The following TEX264 variants were observed in gnomAD, a reference collection of about 807,000 sequenced individuals.
TEX264 encodes testis-expressed protein 264.
TEX264 carries 13 observed loss-of-function variants against 23.4 expected under a neutral mutation model. That is an observed-to-expected ratio of 0.56 (90% CI 0.36 to 0.88). The LOEUF (loss-of-function observed/expected upper bound fraction) is 0.88. Among genes scored for constraint, TEX264 ranks in the 40% least tolerant of loss-of-function variants. TEX264 has a pLI of 0.01. For synonymous variants in TEX264, 159 were observed against 170.0 expected, an observed-to-expected ratio of 0.94 and a Z score of 0.50; for missense variants, 340 against 406.8, an observed-to-expected ratio of 0.84 and a Z score of 1.41.
intron 4 of TEX264, among the ~76,000 whole-genome samples, 196 bp downstream of exon 4, chr3:51,699,770 A>G (rs1410785556): frequency 1.3e-5 from 2 of 152,120 alleles, no homozygotes; most frequent in South Asian, 2.1e-4. Flanking sequence ...ACATGGATCT[A>G]CATAGATGTG....
intron 2 of TEX264, chr3:51,682,799 G>A (rs920232805): frequency 3.3e-5 from 5 of 152,294 alleles, no homozygotes; most frequent in Non-Finnish European, 7.3e-5. Flanking sequence ...AGGTTTGGAT[G>A]CCGTAGGCTT....
Position 51,691,369 on chromosome 3 carries a change from G to A in TEX264, c.480+6735G>A, listed in dbSNP as rs1702821465. Among the ~76,000 whole-genome samples, 1 of 152,220 alleles carries A rather than the reference G, an allele frequency of 6.6e-6. No homozygotes were observed. The highest frequency in any genetic ancestry group is 1.5e-5 in the Non-Finnish European group (1 of 68,032). On this transcript the variant is annotated intron_variant, in intron 3 of 4. Coordinates refer to ENST00000341333, the MANE Select transcript of TEX264 (RefSeq NM_015926.6). This position sits in a 1 kb window ranked among gnomAD's most constrained non-coding sequence, Gnocchi z 4.4. ...GGCCTGCTCTGGCACAGGGAGGAGG[G>A]CACTTTTGGCAGCATCAGGACCTGG...
chr3:51,702,696 C>T (rs1394422581), intron 4 of TEX264, among the ~76,000 whole-genome samples: 1 of 152,224 alleles, frequency 6.6e-6, no homozygotes, highest in Admixed American at 6.5e-5. Flanking sequence ...GTAGCAGATC[C>T]ACTTTCTCCC....
rs953911158 is a variant in TEX264 at position 51,686,576 on chromosome 3, A to G, written c.480+1942A>G. On this transcript the variant is annotated intron_variant, in intron 3 of 4. Coordinates refer to ENST00000341333, the MANE Select transcript of TEX264 (RefSeq NM_015926.6). The surrounding 1 kb of genome is among the most constrained non-coding windows in gnomAD (Gnocchi z 4.1). ...TGTCACGGTGATAAGGCAAGGGCACAGGGAGAATAGAGGGGAGTTTCCTTT... is the reference window on the plus strand; with the variant it reads ...TGTCACGGTGATAAGGCAAGGGCACGGGGAGAATAGAGGGGAGTTTCCTTT... Among the ~76,000 whole-genome samples, 1 of 151,392 alleles carries G rather than the reference A, an allele frequency of 6.6e-6. No individual in the cohort carries two copies. The highest frequency in any genetic ancestry group is 6.6e-5 in the Admixed American group (1 of 15,206).
intron 2 of TEX264, chr3:51,682,416 G>T (rs1702461871): frequency 6.6e-6 from 1 of 152,302 alleles, no homozygotes; most frequent in Non-Finnish European, 1.5e-5. Context: ...TGGGGGAGAA[G>T]AGAGTGCCAC....
At chr3:51,677,740 G>T (rs1280693199) in intron 2 of TEX264, among the ~76,000 whole-genome samples, 1 of 152,232 alleles carries the variant, frequency 6.6e-6, no homozygotes, top group Non-Finnish European at 1.5e-5. Flanking sequence ...TTGGACAGTG[G>T]CAGTTGGTGT....
At chr3:51,692,857 G>A (rs1702877776) in intron 3 of TEX264, among the ~76,000 whole-genome samples, 1 of 152,226 alleles carries the variant, frequency 6.6e-6, no homozygotes, top group African/African-American at 2.4e-5. Context: ...AGCTCTCCTT[G>A]GGGTACTCAC....
chr3:51,704,025 C>G lies in TEX264; in HGVS notation c.*9C>G. On this transcript the variant is annotated 3_prime_UTR_variant, in exon 5 of 5. Coordinates refer to ENST00000341333, the MANE Select transcript of TEX264 (RefSeq NM_015926.6). ...AGAAGGGCAAGGAGTAACCCATGGC[C>G]TGCACCCTCCTGCAGTGCAGTTGCT... 6.7e-7 allele frequency: 1 copy of G among 1,488,136 alleles called. No individual in the cohort carries two copies. Among genetic ancestry groups the G allele is most frequent in the Non-Finnish European group, 8.9e-7 (1 of 1,120,730 alleles). The allele number at this position is 1,488,136 out of a possible 1,614,324, so 92.2% of individuals were successfully genotyped here.
chr3:51,691,658 T>G lies in TEX264; in HGVS notation c.480+7024T>G, dbSNP rs947718164. On this transcript the variant is annotated intron_variant, in intron 3 of 4. Coordinates refer to ENST00000341333, the MANE Select transcript of TEX264 (RefSeq NM_015926.6). This position sits in a 1 kb window ranked among gnomAD's most constrained non-coding sequence, Gnocchi z 4.4. ...GGAGTACAGGAGAGGAGCAAGAGTT[T>G]GGGCCTAAGAGATATAGGCTGGGTC... Among the ~76,000 whole-genome samples, 1 of 152,078 alleles carries G rather than the reference T, an allele frequency of 6.6e-6. No homozygotes were observed. The highest frequency in any genetic ancestry group is 2.1e-4 in the South Asian group (1 of 4,818).
At chr3:51,680,647 G>C (rs911701096) in intron 2 of TEX264, among the ~76,000 whole-genome samples, 1 of 152,234 alleles carries the variant, frequency 6.6e-6, no homozygotes, top group Non-Finnish European at 1.5e-5. Flanking sequence ...CCCAGATGTG[G>C]TTCCTTGTAG....
At chr3:51,702,176 G>A (rs919414346) in intron 4 of TEX264, among the ~76,000 whole-genome samples, 2 of 152,156 alleles carry the variant, frequency 1.3e-5, no homozygotes, top group African/African-American at 4.8e-5. Flanking sequence ...GGGAGAAACT[G>A]TCTCCCTCCT....
At position 51,703,348 on chromosome 3, in the gene TEX264, CT is replaced by C. The variant is rs1180596293; in HGVS notation, c.650-374del. 3.3e-5 allele frequency among the ~76,000 whole-genome samples: 5 copies of C among 152,196 alleles called. No individual in the cohort carries two copies. The highest frequency in any genetic ancestry group is 7.3e-5 in the Non-Finnish European group (5 of 68,028). On this transcript the variant is annotated intron_variant, in intron 4 of 4. Transcript: ENST00000341333. The surrounding 1 kb of genome is among the most constrained non-coding windows in gnomAD (Gnocchi z 4.8). The stretch of plus-strand genomic sequence containing the variant: ...GTGGGGGAAGGTGGAGAGGACACTA[CT>C]TGTGTCTCTTTGTTCTACCTCAGCT...
intron 2 of TEX264, among the ~76,000 whole-genome samples, chr3:51,676,330 G>A (rs1162329079): frequency 6.6e-6 from 1 of 152,248 alleles, no homozygotes; most frequent in Admixed American, 6.5e-5. Context: ...ATGGGAAAGG[G>A]CTAAGGCAGC....
intron 3 of TEX264, among the ~76,000 whole-genome samples, chr3:51,698,448 T>G (rs1703154832): frequency 6.6e-6 from 1 of 152,138 alleles, no homozygotes; most frequent in Non-Finnish European, 1.5e-5. Flanking sequence ...GTATTTGTGC[T>G]CCTTCGCAGG....
At position 51,671,707 on chromosome 3, in the gene TEX264, A is replaced by C. The variant is rs1032516424; in HGVS notation, c.-35+419A>C. 3 of 153,878 alleles carry C rather than the reference A, an allele frequency of 1.9e-5. No homozygotes were observed. The Middle Eastern group carries it at 2.6e-3, about 132-fold the overall frequency. The allele number at this position is 153,878 out of a possible 1,614,324, so 9.5% of individuals were successfully genotyped here. ...GAGAAAGGCTCTGAGTAAATAGGCAAGGCCCGGGGTGAGCAGGGGCTGGAA... is the reference window on the plus strand; with the variant it reads ...GAGAAAGGCTCTGAGTAAATAGGCACGGCCCGGGGTGAGCAGGGGCTGGAA... On this transcript the variant is annotated intron_variant, in intron 1 of 4. Coordinates refer to ENST00000341333, the MANE Select transcript of TEX264 (RefSeq NM_015926.6).
Position 51,703,679 on chromosome 3 carries a change from G to T in TEX264, c.650-45G>T. 6.5e-7 allele frequency: 1 copy of T among 1,533,202 alleles called. No individual in the cohort carries two copies. Among genetic ancestry groups the T allele is most frequent in the South Asian group, 1.3e-5 (1 of 79,988 alleles). 95.0% of individuals were successfully genotyped at this position (1,533,202 alleles called of 1,614,324 possible). ...GAGTTGCCTCTCCCTGGAGGAGGGG[G>T]TGGGGTGGTCCTAGCTAACCTGTGC... is the stretch of plus-strand genomic sequence containing the variant. On this transcript the variant is annotated intron_variant, in intron 4 of 4. Transcript: ENST00000341333. The surrounding 1 kb of genome is among the most constrained non-coding windows in gnomAD (Gnocchi z 4.8).
chr3:51,673,289 C>T (rs1702115313), intron 1 of TEX264, among the ~76,000 whole-genome samples: 1 of 151,804 alleles, frequency 6.6e-6, no homozygotes, highest in Non-Finnish European at 1.5e-5. Flanking sequence ...TGTGATTTTT[C>T]CCCCCCGCCA....
At chr3:51,695,635 G>T (rs1703026911) in intron 3 of TEX264, among the ~76,000 whole-genome samples, 1 of 152,226 alleles carries the variant, frequency 6.6e-6, no homozygotes. Flanking sequence ...TATCAGTCTT[G>T]CCCTGTTGTG....
At chr3:51,694,070 CCCTT>C (rs60975812) in intron 3 of TEX264, among the ~76,000 whole-genome samples, 301 of 102,498 alleles carry the variant, frequency 2.9e-3, no homozygotes, top group Middle Eastern at 6.1e-3. Context: ...CCTTCCCTTC[CCCTT>C]CCTTCCGTCC....
Sources: gnomAD v4.1 joint callset for allele counts (sites outside exome capture counted in the v4.1 genomes callset) on GRCh38, gnomAD v4.1.1 for gene constraint, Gnocchi (gnomAD v3.1) non-coding constraint, MANE v1.5 for transcripts, NCBI Gene and HGNC (gene_info 2026-07-23, HGNC 2026-07-21) for gene names.